The following COG8 variants were observed in gnomAD, a reference collection of about 807,000 sequenced individuals.
COG8 encodes component of oligomeric golgi complex 8.
COG8 carries 45 observed loss-of-function variants against 46.5 expected under a neutral mutation model. The ratio of observed to expected loss-of-function variants is 0.97; its 90% CI spans 0.76 to 1.24. The LOEUF (loss-of-function observed/expected upper bound fraction) is 1.24. Among genes scored for constraint, COG8 ranks in the 50% most tolerant of loss-of-function variants. The probability of loss-of-function intolerance (pLI) is 0.00; values close to 1 mark genes in which losing one functional copy is unlikely to be tolerated. For missense variants in COG8, 793 were observed against 820.8 expected, an observed-to-expected ratio of 0.97 and a Z score of 0.41; for synonymous variants, 407 against 347.8, an observed-to-expected ratio of 1.17 and a Z score of -1.90.
intron 1 of COG8, 98 bp from the exon 2 acceptor site, chr16:69,336,810 C>G: frequency 9.3e-7 from 1 of 1,077,360 alleles, no homozygotes; most frequent in East Asian, 2.5e-5. Flanking sequence ...GCTGGATGAT[C>G]TATCTGATTT....
Position 69,329,127 on chromosome 16 carries a change from G to T in COG8, c.*79C>A. 6.2e-7 allele frequency: 1 copy of T among 1,609,272 alleles called. No individual in the cohort carries two copies. ...GGTCCATCTCGTGCTGGATGATGCG[G>T]GCTGCCCACCCGCTCGCCTGCCACA... On this transcript the variant is annotated 3_prime_UTR_variant, in exon 6 of 6. Coordinates refer to ENST00000306875, the MANE Select transcript of COG8 (RefSeq NM_032382.5).
chr16:69,335,661 T>C (rs2012165384), intron 2 of COG8, among the ~76,000 whole-genome samples: 1 of 151,748 alleles, frequency 6.6e-6, no homozygotes, highest in Non-Finnish European at 1.5e-5. Context: ...ACTAAAAATA[T>C]AAAAATCAGG....
At chr16:69,330,290 C>T in intron 5 of COG8, 1 of 1,427,918 alleles carries the variant, frequency 7.0e-7, no homozygotes, top group Non-Finnish European at 9.1e-7. Context: ...TTGCGTCAGC[C>T]GCTGCAGCTC....
rs1018138824 is a variant in COG8, at chr16:69,330,562, C to T, written c.*26+251G>A. On this transcript the variant is annotated intron_variant, in intron 5 of 5. Transcript: ENST00000306875. ...GCCAAAGACTCAGCGCGCCCCACAG[C>T]CGGGCCATGGCGGCCCCCTTAACAG... is the stretch of plus-strand genomic sequence containing the variant. The T allele has an allele frequency of 7.5e-6, 11 of 1,465,506 alleles. No homozygotes were observed. The African/African-American group carries it at 8.9e-5, about 12-fold the overall frequency. 90.8% of individuals were successfully genotyped at this position (1,465,506 alleles called of 1,614,324 possible). A position where few individuals can be genotyped will look rare whatever the true frequency, so the allele number is the denominator to read the frequency against.
At chr16:69,331,965 C>T (rs2011887650) in intron 4 of COG8, among the ~76,000 whole-genome samples, 3 of 152,250 alleles carry the variant, frequency 2.0e-5, no homozygotes. Flanking sequence ...AGGCTTTGCA[C>T]GTGTGATGCA....
At chr16:69,336,438 A>G (rs1335566381) in intron 2 of COG8, 67 bp downstream of exon 2, 2 of 1,471,244 alleles carry the variant, frequency 1.4e-6, no homozygotes, top group South Asian at 1.2e-5. Flanking sequence ...CTAAAGCTTC[A>G]GTCCTGACCA....
Position 69,330,809 on chromosome 16 carries a change from G to A in COG8, c.*26+4C>T. 1 of 1,525,894 alleles carries A rather than the reference G, an allele frequency of 6.6e-7. No individual in the cohort carries two copies. Among genetic ancestry groups the A allele is most frequent in the Non-Finnish European group, 8.8e-7 (1 of 1,141,864 alleles). 94.5% of individuals were successfully genotyped at this position (1,525,894 alleles called of 1,614,324 possible). ...GGCCACCCCGCGCCGGGAACCTCAC[G>A]CACCGCGTTCTGGAGGCAGGGGACG... On this transcript the variant is annotated splice_donor_region_variant and intron_variant, in intron 5 of 5. Transcript: ENST00000306875.
rs1391140764 is a variant in COG8, at chr16:69,327,072, G to C, written c.*2134C>G. ...TCAGCTGAATTCTAATTTTCCTAAA[G>C]ACCCATGTTTTTAGCATCTATGAGC... On this transcript the variant is annotated 3_prime_UTR_variant, in exon 6 of 6. Transcript: ENST00000306875. 1 of 149,692 alleles carries C rather than the reference G, an allele frequency of 6.7e-6. No individual in the cohort carries two copies. Among genetic ancestry groups the C allele is most frequent in the Admixed American group, 6.6e-5 (1 of 15,122 alleles). 9.3% of individuals were successfully genotyped at this position (149,692 alleles called of 1,614,324 possible).
At chr16:69,330,597 C>G in intron 5 of COG8, 1 of 1,419,546 alleles carries the variant, frequency 7.0e-7, no homozygotes, top group Non-Finnish European at 9.1e-7. Flanking sequence ...GTGACCCGGC[C>G]CGCCCCTTCC....
Position 69,329,024 on chromosome 16 carries a change from A to C in COG8, c.*182T>G. ...TCCTCAGCCCCAGTAGCAAAGCTTT[A>C]GTCATTCACCTTCATCCAATAGACG... On this transcript the variant is annotated 3_prime_UTR_variant, in exon 6 of 6. Transcript: ENST00000306875. 6.2e-7 allele frequency: 1 copy of C among 1,607,386 alleles called. No homozygotes were observed. The highest frequency in any genetic ancestry group is 1.1e-5 in the South Asian group (1 of 90,032).
In COG8 at chr16:69,332,815, AGCTCTT is replaced by A; in HGVS notation, c.1475_1480del (p.Gln492_Glu493del). On this transcript the variant is annotated inframe_deletion, in exon 4 of 6. Transcript: ENST00000306875. Reference sequence around the variant, plus strand: ...GAAGACAGTGCAGAACTGGACAAAGAGCTCTTGCTCCCCGCTGCTGAAGGCAGCCTC... The same window carrying A: ...GAAGACAGTGCAGAACTGGACAAAGAGCTCCCCGCTGCTGAAGGCAGCCTC... 1 of 1,614,222 alleles carries A rather than the reference AGCTCTT, an allele frequency of 6.2e-7. No homozygotes were observed. The highest frequency in any genetic ancestry group is 1.1e-5 in the South Asian group (1 of 91,090).
chr16:69,334,397 C>CA, intron 3 of COG8, 124 bp downstream of exon 3: 1 of 912,930 alleles, frequency 1.1e-6, no homozygotes, highest in Non-Finnish European at 1.8e-6. Context: ...GGAGAACCTC[C>CA]AAAACCACAC....
intron 1 of COG8, chr16:69,338,493 G>A (rs1345564167): frequency 6.6e-6 from 1 of 152,284 alleles, no homozygotes; most frequent in Non-Finnish European, 1.5e-5. Context: ...GTATATAAAT[G>A]TGCACATATA....
intron 1 of COG8, among the ~76,000 whole-genome samples, chr16:69,337,037 G>A (rs980808599): frequency 7.9e-5 from 12 of 152,096 alleles, no homozygotes; most frequent in Admixed American, 7.2e-4. Context: ...AGTGGCTCAC[G>A]CCTGTAATCC....
Position 69,330,961 on chromosome 16 carries a change from C to T in COG8, c.1717G>A (p.Glu573Lys), listed in dbSNP as rs367704032. 14 of 1,582,436 alleles carry T rather than the reference C, an allele frequency of 8.8e-6. No homozygotes were observed. The East Asian group carries it at 1.1e-4, about 13-fold the overall frequency. The change falls in exon 5 of 6, where the codon GAG becomes AAG. Residue 573 changes from glutamate (E) to lysine (K), a missense_variant. Glu to Lys is a moderately conservative substitution (Grantham distance 56). Transcript: ENST00000306875. ...FTLDDQALGP[E>K]LTAPAPEPPA... ...GGCTCTGGTGCTGGAGCTGTGAGCTCGGGCCCCAGCGCCTGGTCATCCAGG... is the reference window on the plus strand; with the variant it reads ...GGCTCTGGTGCTGGAGCTGTGAGCTTGGGCCCCAGCGCCTGGTCATCCAGG...
rs777653089 is a variant in COG8, at chr16:69,335,151, G to C, written c.783C>G (p.Ala261=). Residue 261 remains alanine, a synonymous_variant, in exon 3 of 6, where the codon GCC becomes GCG. Transcript: ENST00000306875. The stretch of plus-strand genomic sequence containing the variant: ...GGAAATAGGGATCATCATTAGGAAT[G>C]GCAGTCAGGATGGACCGGAGCCAAG... ...RDAWLRSILT[A]IPNDDPYFHI... is the part of the protein sequence containing the mutation. The C allele has an allele frequency of 2.5e-6, 4 of 1,614,196 alleles. No individual in the cohort carries two copies. Among genetic ancestry groups the C allele is most frequent in the Non-Finnish European group, 2.5e-6 (3 of 1,180,034 alleles).
chr16:69,339,131 A>G (rs2012378558), intron 1 of COG8, 45 bp downstream of exon 1: 1 of 1,612,068 alleles, frequency 6.2e-7, no homozygotes, highest in Non-Finnish European at 8.5e-7. Flanking sequence ...CGTAAATGTC[A>G]GCTTTTACAG....
At chr16:69,330,070 G>C (rs778649857) in intron 5 of COG8, 3 of 1,563,540 alleles carry the variant, frequency 1.9e-6, no homozygotes, top group Non-Finnish European at 2.6e-6. Context: ...CCTCGGGAAA[G>C]GTGACCAGGC....
rs1428831627 is a variant in COG8, at chr16:69,336,723, T to C, written c.378-11A>G. ...TCCTTCACAAAGTTCCTAGTAATAA[T>C]CAGAAGAATGTTGATCCTTCACTGC... is the stretch of plus-strand genomic sequence containing the variant. On this transcript the variant is annotated splice_polypyrimidine_tract_variant and intron_variant, in intron 1 of 5. Transcript: ENST00000306875. The C allele has an allele frequency of 6.2e-7, 1 of 1,612,826 alleles. No homozygotes were observed. Among genetic ancestry groups the C allele is most frequent in the Admixed American group, 1.7e-5 (1 of 60,022 alleles).
Sources: allele counts gnomAD v4.1 joint callset (sites outside exome capture counted in the v4.1 genomes callset), GRCh38; gene constraint gnomAD v4.1.1; transcripts MANE v1.5; gene names NCBI Gene and HGNC (gene_info 2026-07-23, HGNC 2026-07-21).